Variants in MYLK observed in about 807,000 individuals in gnomAD.
The protein encoded by MYLK is myosin light chain kinase, smooth muscle.
MYLK carries 106 observed loss-of-function variants against 203.4 expected under a neutral mutation model. That is an observed-to-expected ratio of 0.52 (90% CI 0.45 to 0.61). MYLK has a LOEUF of 0.61. Among genes scored for constraint, MYLK ranks in the 20% least tolerant of loss-of-function variants. The pLI, the probability that MYLK is intolerant of heterozygous loss-of-function variation, is 0.00. For synonymous variants in MYLK, 867 were observed against 959.5 expected (o/e 0.90, Z 1.78); for missense variants, 2,072 against 2,442.3 (o/e 0.85, Z 3.20).
rs1475351353 is a variant in MYLK, at chr3:123,733,042, T to C, written c.1370A>G (p.Gln457Arg). ...TTCATAAACCTCAATGCTGCCTTCC[T>C]GTCTCCTCACGGGGGTGCCTTCCAG... ...WFLEGTPVRR[Q>R]EGSIEVYEDA... Residue 457 changes from glutamine to arginine, a missense_variant, in exon 11 of 34, where the codon CAG becomes CGG. Transcript: ENST00000360304. 1.9e-6 allele frequency: 3 copies of C among 1,614,144 alleles called. No homozygotes were observed. Among genetic ancestry groups the C allele is most frequent in the Non-Finnish European group, 2.5e-6 (3 of 1,180,010 alleles).
At position 123,700,607 on chromosome 3, in the gene MYLK, C is replaced by T. The variant is rs191784247; in HGVS notation, c.2861G>A (p.Arg954His). The T allele has an allele frequency of 5.6e-6, 9 of 1,613,810 alleles. No individual in the cohort carries two copies. The highest frequency in any genetic ancestry group is 2.7e-5 in the African/African-American group (2 of 75,038). Residue 954 changes from arginine to histidine, a missense_variant, in exon 18 of 34, where the codon CGC becomes CAC. Coordinates refer to ENST00000360304, the MANE Select transcript of MYLK (RefSeq NM_053025.4). Reference sequence around the variant, plus strand: ...AGTCCCCTTCTTGGCCAGGACAGAGCGAAAATCGACCTGCTGGGGGCTGTG... The same window carrying T: ...AGTCCCCTTCTTGGCCAGGACAGAGTGAAAATCGACCTGCTGGGGGCTGTG... ...KVHSPQQVDF[R>H]SVLAKKGTSK...
chr3:123,751,726 G>T (rs1454934590), intron 5 of MYLK, among the ~76,000 whole-genome samples: 2 of 152,182 alleles, frequency 1.3e-5, no homozygotes, highest in South Asian at 4.1e-4. Flanking sequence ...ACTGCAATGT[G>T]AGATGGTAAT....
Position 123,752,539 on chromosome 3 carries a change from C to T in MYLK, c.166-1G>A, listed in dbSNP as rs1387306141. 1 of 1,611,998 alleles carries T rather than the reference C, an allele frequency of 6.2e-7. No homozygotes were observed. The highest frequency in any genetic ancestry group is 8.5e-7 in the Non-Finnish European group (1 of 1,179,406). On this transcript the variant is annotated splice_acceptor_variant, in intron 4 of 33. Coordinates refer to ENST00000360304, the MANE Select transcript of MYLK (RefSeq NM_053025.4). LOFTEE classifies it high-confidence loss of function. Reference sequence around the variant, plus strand: ...CCTGGGGCTCTGGGTAACCCCGGACCTTCAAGAAAAAGAAGAAAGGGTAAG... The same window carrying T: ...CCTGGGGCTCTGGGTAACCCCGGACTTTCAAGAAAAAGAAGAAAGGGTAAG...
intron 2 of MYLK, among the ~76,000 whole-genome samples, chr3:123,831,893 TC>T (rs1389581529): frequency 6.6e-6 from 1 of 152,006 alleles, no homozygotes; most frequent in Admixed American, 6.5e-5. Flanking sequence ...GGTACTTTCT[TC>T]CCCCACAGAG....
chr3:123,714,868 A>G (rs1228393233), intron 13 of MYLK, among the ~76,000 whole-genome samples: 2 of 152,268 alleles, frequency 1.3e-5, no homozygotes, highest in Non-Finnish European at 2.9e-5. Context: ...CCAATGGGAA[A>G]GACAAGCACA....
intron 21 of MYLK, 83 bp from the exon 22 acceptor site, chr3:123,666,429 T>C: frequency 1.5e-5 from 24 of 1,585,744 alleles, no homozygotes; most frequent in Non-Finnish European, 2.1e-5. Flanking sequence ...TCCACAGTGG[T>C]CTGTTGGCTT....
intron 2 of MYLK, among the ~76,000 whole-genome samples, chr3:123,872,949 G>C (rs2032899885): frequency 6.6e-6 from 1 of 151,986 alleles, no homozygotes; most frequent in South Asian, 2.1e-4. Flanking sequence ...CTGACAATCA[G>C]CCCCCATCCT....
At position 123,884,212 on chromosome 3, in the gene MYLK, G is replaced by A. The variant is rs1366419512; in HGVS notation, c.-192C>T. 6.6e-6 allele frequency: 1 copy of A among 150,816 alleles called. No individual in the cohort carries two copies. The highest frequency in any genetic ancestry group is 2.4e-5 in the African/African-American group (1 of 41,298). The allele number at this position is 150,816 out of a possible 1,614,324, so 9.3% of individuals were successfully genotyped here. On this transcript the variant is annotated 5_prime_UTR_variant, in exon 1 of 34. Coordinates refer to ENST00000360304, the MANE Select transcript of MYLK (RefSeq NM_053025.4). The stretch of plus-strand genomic sequence containing the variant: ...ATGGGGCGGGCTCACTCACCCGCGC[G>A]GCGAAGGCGGCCCGGGAGCCGGGGC...
intron 27 of MYLK, among the ~76,000 whole-genome samples, chr3:123,641,713 C>T (rs185698714): frequency 0.053 from 7,921 of 150,488 alleles, 322 homozygotes; most frequent in Non-Finnish European, 0.083. Flanking sequence ...TTCCTTCCTT[C>T]CGTCCTTCCT....
chr3:123,881,471 A>G (rs2033532053), intron 1 of MYLK, among the ~76,000 whole-genome samples: 1 of 152,168 alleles, frequency 6.6e-6, no homozygotes, highest in African/African-American at 2.4e-5. Flanking sequence ...AAGAATGAAC[A>G]ATCTCCCAGC....
rs1186110473 is a variant in MYLK, at chr3:123,654,663, C to T, written c.4288+2463G>A. 2.0e-5 allele frequency among the ~76,000 whole-genome samples: 3 copies of T among 152,034 alleles called. No homozygotes were observed. The East Asian group carries it at 5.8e-4, about 29-fold the overall frequency. On this transcript the variant is annotated intron_variant, in intron 24 of 33. Coordinates refer to ENST00000360304, the MANE Select transcript of MYLK (RefSeq NM_053025.4). ...CAAGAGCTCTCTTCCCTTGATGTCC[C>T]TCCACCTTCTCCTAACCCCCAACTT...
chr3:123,721,724 G>A lies in MYLK; in HGVS notation c.1804+404C>T, dbSNP rs570972482. ...CGTGAGTGCTCTCCCAAGTCCTTTT[G>A]TAGTGTGCGAGGTTTTCTTCTGACC... On this transcript the variant is annotated intron_variant, in intron 13 of 33. Transcript: ENST00000360304. Among the ~76,000 whole-genome samples, 19 of 151,444 alleles carry A rather than the reference G, an allele frequency of 1.3e-4. 1 individual carries two copies. In the South Asian group the frequency reaches 3.4e-3, roughly 27 times the overall value.
At chr3:123,619,953 T>C (rs1400470225) in intron 32 of MYLK, among the ~76,000 whole-genome samples, 1 of 152,204 alleles carries the variant, frequency 6.6e-6, no homozygotes, top group Non-Finnish European at 1.5e-5. Flanking sequence ...TGAAAAAGCA[T>C]AGCTGAGGTC....
intron 3 of MYLK, among the ~76,000 whole-genome samples, chr3:123,824,687 C>G (rs996295428): frequency 2.0e-5 from 3 of 152,058 alleles, no homozygotes; most frequent in South Asian, 2.1e-4. Flanking sequence ...CCATATTTAA[C>G]TACAAGTTAT....
Position 123,647,335 on chromosome 3 carries a change from T to C in MYLK, c.4508A>G (p.Lys1503Arg). The part of the protein sequence containing the change: ...KFFKAYSAKE[K>R]ENIRQEISIM... ...GCTAATCTCCTGCCGGATATTCTCT[T>C]TCTCTTTTGCTGAATATGCCTTGAA... Residue 1503 changes from lysine to arginine, a missense_variant, in exon 27 of 34, where the codon AAA becomes AGA. Coordinates refer to ENST00000360304, the MANE Select transcript of MYLK (RefSeq NM_053025.4). 6.2e-7 allele frequency: 1 copy of C among 1,614,250 alleles called. No homozygotes were observed. Among genetic ancestry groups the C allele is most frequent in the Non-Finnish European group, 8.5e-7 (1 of 1,180,036 alleles).
chr3:123,647,807 C>T (rs1418488464), intron 26 of MYLK, among the ~76,000 whole-genome samples: 2 of 152,010 alleles, frequency 1.3e-5, no homozygotes, highest in Admixed American at 1.3e-4. Context: ...CCACCTCGGC[C>T]TCCCAAAGTG....
intron 4 of MYLK, among the ~76,000 whole-genome samples, chr3:123,790,676 C>A (rs370876363): frequency 6.6e-6 from 1 of 152,180 alleles, no homozygotes; most frequent in East Asian, 1.9e-4. Context: ...TAACGTCTTA[C>A]GAGAATAAAA....
At position 123,642,856 on chromosome 3, in the gene MYLK, T is replaced by C. The variant is rs2058884630; in HGVS notation, c.4620-2352A>G. Reference sequence around the variant, plus strand: ...TGCTCAATATTAATGATCAATTTTCTATGTAAAGAATCACTTGGGGCTCTT... The same window carrying C: ...TGCTCAATATTAATGATCAATTTTCCATGTAAAGAATCACTTGGGGCTCTT... On this transcript the variant is annotated intron_variant, in intron 27 of 33. Coordinates refer to ENST00000360304, the MANE Select transcript of MYLK (RefSeq NM_053025.4). This position sits in a 1 kb window ranked among gnomAD's most constrained non-coding sequence, Gnocchi z 4.2. Among the ~76,000 whole-genome samples the C allele has an allele frequency of 6.6e-6, 1 of 152,258 alleles. No individual in the cohort carries two copies.
At chr3:123,705,194 C>T (rs2061415883) in intron 16 of MYLK, among the ~76,000 whole-genome samples, 2 of 152,120 alleles carry the variant, frequency 1.3e-5, no homozygotes, top group Non-Finnish European at 2.9e-5. Flanking sequence ...GCACCCTGCT[C>T]TACGTCTAGG....
Sources: gnomAD v4.1 joint callset for allele counts (sites outside exome capture counted in the v4.1 genomes callset) on GRCh38, gnomAD v4.1.1 for gene constraint, Gnocchi (gnomAD v3.1) non-coding constraint, MANE v1.5 for transcripts, NCBI Gene and HGNC (gene_info 2026-07-23, HGNC 2026-07-21) for gene names.